The following WAPL variants were observed in gnomAD, a reference collection of about 807,000 sequenced individuals.
WAPL encodes wings apart-like protein homolog.
Under a neutral mutation model 121.0 loss-of-function variants are expected in WAPL, and 5 were observed. The observed-to-expected ratio is 0.04, with a 90% CI of 0.02 to 0.09. The LOEUF (loss-of-function observed/expected upper bound fraction) is 0.09, where lower values mean the gene tolerates loss of function less well. WAPL is among the 10% of genes least tolerant of loss of function. The probability of loss-of-function intolerance (pLI) is 1.00; values close to 1 mark genes in which losing one functional copy is unlikely to be tolerated. For synonymous variants in WAPL, 480 were observed against 481.5 expected (o/e 1.00, Z 0.04); for missense variants, 999 against 1,410.8 (o/e 0.71, Z 4.68).
chr10:86,447,855 G>A (rs1244381603), intron 15 of WAPL, among the ~76,000 whole-genome samples: 1 of 151,704 alleles, frequency 6.6e-6, no homozygotes, highest in Non-Finnish European at 1.5e-5. Context: ...TTGGCGACTA[G>A]CCCGGCAAAC....
intron 2 of WAPL, among the ~76,000 whole-genome samples, chr10:86,505,641 G>A (rs1842335696): frequency 6.6e-6 from 1 of 151,638 alleles, no homozygotes; most frequent in South Asian, 2.1e-4. Flanking sequence ...TACCAGCCTC[G>A]GCTCTTAAAA....
At chr10:86,507,545 T>G (rs1842375447) in intron 2 of WAPL, among the ~76,000 whole-genome samples, 1 of 152,074 alleles carries the variant, frequency 6.6e-6, no homozygotes, top group Non-Finnish European at 1.5e-5. Context: ...AATTTTGCTA[T>G]CACACTGAAT....
intron 4 of WAPL, among the ~76,000 whole-genome samples, chr10:86,477,136 T>C (rs1380784669): frequency 6.6e-6 from 1 of 152,158 alleles, no homozygotes; most frequent in Non-Finnish European, 1.5e-5. Context: ...CACATCTAAT[T>C]AAAAATTAAA....
intron 2 of WAPL, among the ~76,000 whole-genome samples, chr10:86,501,238 G>C (rs542581659): frequency 6.6e-6 from 1 of 152,254 alleles, no homozygotes; most frequent in East Asian, 1.9e-4. Flanking sequence ...GGTTTCTCTA[G>C]CTATTTCTGT....
intron 18 of WAPL, 77 bp from the exon 19 acceptor site, chr10:86,437,685 C>G: frequency 6.8e-7 from 1 of 1,463,420 alleles, no homozygotes; most frequent in Non-Finnish European, 9.3e-7. Flanking sequence ...AAAAGTTTAC[C>G]TCTAGATTTA....
intron 4 of WAPL, among the ~76,000 whole-genome samples, chr10:86,482,061 G>C (rs1323026040): frequency 6.6e-6 from 1 of 152,136 alleles, no homozygotes; most frequent in African/African-American, 2.4e-5. Flanking sequence ...CCTCAATCTT[G>C]GGCAGGGTGG....
rs1842679640 is a variant in WAPL, at chr10:86,521,541, G to T, written c.-199C>A. The T allele has an allele frequency of 5.3e-6, 2 of 374,942 alleles. No individual in the cohort carries two copies. 23.2% of individuals were successfully genotyped at this position (374,942 alleles called of 1,614,324 possible). On this transcript the variant is annotated 5_prime_UTR_variant, in exon 1 of 19. Transcript: ENST00000298767. ...AAGCCCGGTTGGGGGGGCAGGAGCG[G>T]CGGCCCCGCAACTTCCCTCCCCGCC...
intron 2 of WAPL, among the ~76,000 whole-genome samples, chr10:86,504,700 T>G (rs191973165): frequency 8.8e-4 from 133 of 151,744 alleles, no homozygotes; most frequent in Middle Eastern, 3.4e-3. Context: ...TACGTGCTTA[T>G]AGTCCCACCT....
At position 86,472,637 on chromosome 10, in the gene WAPL, A is replaced by G. The variant is rs1279175415; in HGVS notation, c.1868T>C (p.Leu623Pro). 8.7e-6 allele frequency: 14 copies of G among 1,613,816 alleles called. No homozygotes were observed. Among genetic ancestry groups the G allele is most frequent in the Non-Finnish European group, 1.2e-5 (14 of 1,179,904 alleles). ...TTCTTTGTCTTCTCGTCTGCATTTCAGTGCAGTAACTATATCTTGGTAGGG... is the reference window on the plus strand; with the variant it reads ...TTCTTTGTCTTCTCGTCTGCATTTCGGTGCAGTAACTATATCTTGGTAGGG... ...TQPYQDIVTA[L>P]KCRREDKELY... Residue 623 changes from leucine (L) to proline (P), a missense_variant, in exon 6 of 19, where the codon CTG becomes CCG. Transcript: ENST00000298767. The surrounding 1 kb of genome is among the most constrained non-coding windows in gnomAD (Gnocchi z 4.2).
At chr10:86,485,509 C>G (rs898046226) in intron 4 of WAPL, among the ~76,000 whole-genome samples, 1 of 151,936 alleles carries the variant, frequency 6.6e-6, no homozygotes, top group Non-Finnish European at 1.5e-5. Flanking sequence ...TGCACTCCAG[C>G]CTGGGCAACA....
chr10:86,453,107 A>G (rs372662965), intron 14 of WAPL, 113 bp downstream of exon 14: 14 of 541,670 alleles, frequency 2.6e-5, no homozygotes, highest in African/African-American at 2.2e-4. Flanking sequence ...GAAATTCATG[A>G]AAAAAAACCC....
intron 2 of WAPL, among the ~76,000 whole-genome samples, chr10:86,517,120 C>A (rs1377667243): frequency 6.6e-6 from 1 of 152,104 alleles, no homozygotes; most frequent in African/African-American, 2.4e-5. Context: ...AAGTTCAATT[C>A]TTTAAATGTC....
chr10:86,496,647 ATAT>A (rs1842156252), intron 4 of WAPL, among the ~76,000 whole-genome samples: 1 of 152,200 alleles, frequency 6.6e-6, no homozygotes, highest in Non-Finnish European at 1.5e-5. Context: ...ATATATACAT[ATAT>A]ATCTTACATA....
At chr10:86,484,858 T>C (rs1480246228) in intron 4 of WAPL, among the ~76,000 whole-genome samples, 9 of 152,224 alleles carry the variant, frequency 5.9e-5, no homozygotes, top group African/African-American at 1.9e-4. Context: ...GACTATCCCA[T>C]CTAGCTTTGT....
At chr10:86,447,185 T>C (rs1171517476) in intron 15 of WAPL, among the ~76,000 whole-genome samples, 1 of 147,990 alleles carries the variant, frequency 6.8e-6, no homozygotes, top group Non-Finnish European at 1.5e-5. Flanking sequence ...ATTATGTCAC[T>C]GCTCTAACAG....
At chr10:86,489,035 C>A (rs915416264) in intron 4 of WAPL, among the ~76,000 whole-genome samples, 3 of 152,204 alleles carry the variant, frequency 2.0e-5, no homozygotes, top group Non-Finnish European at 4.4e-5. Flanking sequence ...AAGAAAATGG[C>A]ATCTCCTCTG....
At chr10:86,517,480 A>G in intron 2 of WAPL, 91 bp downstream of exon 2, 1 of 1,449,064 alleles carries the variant, frequency 6.9e-7, no homozygotes, top group South Asian at 1.5e-5. Context: ...TGCAGAAAGA[A>G]AACACAATAT....
At chr10:86,508,750 T>C (rs1842397864) in intron 2 of WAPL, among the ~76,000 whole-genome samples, 1 of 140,258 alleles carries the variant, frequency 7.1e-6, no homozygotes, top group African/African-American at 2.7e-5. Context: ...CCATTAGTAT[T>C]GAAAGTTCTT....
intron 2 of WAPL, among the ~76,000 whole-genome samples, chr10:86,507,414 G>C (rs1589537973): frequency 6.9e-6 from 1 of 144,884 alleles, no homozygotes; most frequent in South Asian, 2.2e-4. Context: ...TTTAAGGCTT[G>C]TGCTAGTTAC....
Sources: gnomAD v4.1 joint callset for allele counts (sites outside exome capture counted in the v4.1 genomes callset) on GRCh38, gnomAD v4.1.1 for gene constraint, Gnocchi (gnomAD v3.1) non-coding constraint, MANE v1.5 for transcripts, NCBI Gene and HGNC (gene_info 2026-07-23, HGNC 2026-07-21) for gene names.